MTMR6: variants seen among roughly 807,000 people sequenced by gnomAD.
MTMR6 encodes the protein phosphatidylinositol-3,5-bisphosphate 3-phosphatase MTMR6.
A neutral mutation model predicts 80.1 loss-of-function variants in MTMR6; 47 were observed. The observed-to-expected ratio is 0.59, with a 90% CI of 0.46 to 0.75. The LOEUF (loss-of-function observed/expected upper bound fraction) is 0.75, where lower values mean the gene tolerates loss of function less well. Among genes scored for constraint, MTMR6 ranks in the 30% least tolerant of loss-of-function variants. MTMR6 has a pLI of 0.00. For synonymous variants in MTMR6, 254 were observed against 253.0 expected (o/e 1.00, Z -0.04); for missense variants, 629 against 730.9 (o/e 0.86, Z 1.61).
chr13:25,253,964 C>T lies in MTMR6; in HGVS notation c.1146G>A (p.Arg382=). 6.2e-7 allele frequency: 1 copy of T among 1,614,038 alleles called. No homozygotes were observed. Among genetic ancestry groups the T allele is most frequent in the Non-Finnish European group, 8.5e-7 (1 of 1,179,952 alleles). Residue 382 remains arginine (R), a splice_region_variant and synonymous_variant, in exon 11 of 14, where the codon AGG becomes AGA. Transcript: ENST00000381801. Reference sequence around the variant, plus strand: ...TTGGGTCACCATCCAACTGGCCACACCTAACCCCACAGAAAGTATAAGCTT... The same window carrying T: ...TTGGGTCACCATCCAACTGGCCACATCTAACCCCACAGAAAGTATAAGCTT... ...WISFGHKFSE[R]CGQLDGDPKE...
intron 1 of MTMR6, among the ~76,000 whole-genome samples, chr13:25,274,941 C>CAG (rs113746536): frequency 0.05 from 6,473 of 130,318 alleles, 386 homozygotes; most frequent in African/African-American, 0.14. Flanking sequence ...AGTAGACAGA[C>CAG]ACACACACAC....
intron 1 of MTMR6, among the ~76,000 whole-genome samples, chr13:25,284,953 G>C (rs1260497778): frequency 2.0e-5 from 3 of 152,170 alleles, no homozygotes; most frequent in Non-Finnish European, 2.9e-5. Context: ...CTCCAGAGTA[G>C]TGATCCAATA....
chr13:25,257,202 T>A lies in MTMR6; in HGVS notation c.1089A>T (p.Gly363=). The change falls in exon 9 of 14, where the codon GGA becomes GGT. Residue 363 remains glycine (G), a synonymous_variant. Transcript: ENST00000381801. The part of the protein sequence containing the change: ...LLDSYYRTIK[G]FMVLIEKDWI... Reference sequence around the variant, plus strand: ...TAACCAAATAAATCCTTACCATGAATCCTTTGATTGTCCTGTAGTAGGAAT... The same window carrying A: ...TAACCAAATAAATCCTTACCATGAAACCTTTGATTGTCCTGTAGTAGGAAT... 1 of 1,613,166 alleles carries A rather than the reference T, an allele frequency of 6.2e-7. No homozygotes were observed. Among genetic ancestry groups the A allele is most frequent in the African/African-American group, 1.3e-5 (1 of 74,958 alleles).
chr13:25,264,113 A>G (rs1251240815), intron 5 of MTMR6, among the ~76,000 whole-genome samples: 2 of 152,226 alleles, frequency 1.3e-5, no homozygotes, highest in African/African-American at 4.8e-5. Context: ...TAACATCCTC[A>G]AAGAACTAAA....
intron 1 of MTMR6, among the ~76,000 whole-genome samples, chr13:25,278,057 CT>C (rs1957763788): frequency 6.6e-6 from 1 of 152,220 alleles, no homozygotes. Context: ...CTCACCCCAA[CT>C]TCACTCAGTT....
rs769719876 is a variant in MTMR6 at position 25,264,753 on chromosome 13, C to CAAA, written c.591+1063_591+1065dup. ...CTGGGCAACAAGAGAAACTCCATCT[C>CAAA]AAAAAAAAAAAAAAAAAAAAAAGAA... On this transcript the variant is annotated intron_variant, in intron 5 of 13. Transcript: ENST00000381801. 7.0e-3 allele frequency among the ~76,000 whole-genome samples: 234 copies of CAAA among 33,304 alleles called. 4 individuals carry two copies. The highest frequency in any genetic ancestry group is 0.019 in the African/African-American group (205 of 11,054). The allele number at this position is 33,304 out of a possible 152,430, so 21.8% of individuals were successfully genotyped here. A position where few individuals can be genotyped will look rare whatever the true frequency, so the allele number is the denominator to read the frequency against.
At chr13:25,286,835 C>T (rs772644264) in intron 1 of MTMR6, among the ~76,000 whole-genome samples, 5 of 152,190 alleles carry the variant, frequency 3.3e-5, no homozygotes, top group South Asian at 2.1e-4. Flanking sequence ...CAAGCTTACA[C>T]AGCATCATAA....
At chr13:25,267,179 G>T (rs190777045) in intron 3 of MTMR6, among the ~76,000 whole-genome samples, 2 of 151,312 alleles carry the variant, frequency 1.3e-5, no homozygotes, top group African/African-American at 4.9e-5. Flanking sequence ...CCTGGGAGGC[G>T]GAGGTTGCAG....
At chr13:25,254,319 C>T (rs1957147715) in intron 10 of MTMR6, 66 bp downstream of exon 10, 2 of 1,146,370 alleles carry the variant, frequency 1.7e-6, no homozygotes, top group South Asian at 2.5e-5. Context: ...GGAACAGAAA[C>T]ATTTTGGCAT....
intron 5 of MTMR6, among the ~76,000 whole-genome samples, chr13:25,264,487 G>A (rs116252305): frequency 0.014 from 2,073 of 152,072 alleles, 63 homozygotes; most frequent in African/African-American, 0.046. Flanking sequence ...GGGCGCAGTG[G>A]CTCACACCTG....
At position 25,253,816 on chromosome 13, in the gene MTMR6, A is replaced by G; in HGVS notation, c.1294T>C (p.Cys432Arg). 1 of 1,614,154 alleles carries G rather than the reference A, an allele frequency of 6.2e-7. No homozygotes were observed. Among genetic ancestry groups the G allele is most frequent in the Non-Finnish European group, 8.5e-7 (1 of 1,180,006 alleles). ...LLQIHEHIHS[C>R]QFGNFLGNCQ... ...TTTCCAAGGAAGTTTCCAAACTGGC[A>G]TGAATGAATATGCTCATGGATCTGA... The change falls in exon 11 of 14, where the codon TGC becomes CGC. Residue 432 changes from cysteine to arginine, a missense_variant. Transcript: ENST00000381801.
intron 5 of MTMR6, 58 bp downstream of exon 5, chr13:25,265,761 A>T: frequency 6.5e-7 from 1 of 1,537,360 alleles, no homozygotes; most frequent in Non-Finnish European, 8.8e-7. Context: ...TATTTTAGAT[A>T]CTTAAACCTG....
intron 9 of MTMR6, among the ~76,000 whole-genome samples, chr13:25,255,682 C>A (rs1310057204): frequency 1.3e-5 from 2 of 152,156 alleles, no homozygotes; most frequent in African/African-American, 4.8e-5. Context: ...CATCACCATG[C>A]CCGGCTAATT....
At chr13:25,261,609 T>A in intron 6 of MTMR6, 59 bp downstream of exon 6, 1 of 1,381,416 alleles carries the variant, frequency 7.2e-7, no homozygotes, top group Non-Finnish European at 9.6e-7. Flanking sequence ...TTAACTCTCA[T>A]TAAGTAAAGT....
chr13:25,261,129 G>A (rs1229623442), intron 6 of MTMR6, among the ~76,000 whole-genome samples: 1 of 151,470 alleles, frequency 6.6e-6, no homozygotes, highest in Admixed American at 6.6e-5. Context: ...TCAACATGGT[G>A]AAACCCCATC....
At chr13:25,269,879 T>C (rs1236760073) in intron 2 of MTMR6, among the ~76,000 whole-genome samples, 1 of 152,096 alleles carries the variant, frequency 6.6e-6, no homozygotes, top group Non-Finnish European at 1.5e-5. Context: ...TCACTTATAT[T>C]AATGCGCCTG....
rs79053319 is a variant in MTMR6 at position 25,253,869 on chromosome 13, G to C, written c.1241C>G (p.Ala414Gly). The change falls in exon 11 of 14, where the codon GCC becomes GGC. Residue 414 changes from alanine to glycine, a missense_variant. Transcript: ENST00000381801. ...VWHLTEQFPQ[A>G]FEFSEAFLLQ... Reference sequence around the variant, plus strand: ...AAGAAATGCTTCACTGAATTCAAAGGCTTGTGGAAACTGTTCGGTCAAATG... The same window carrying C: ...AAGAAATGCTTCACTGAATTCAAAGCCTTGTGGAAACTGTTCGGTCAAATG... The C allele has an allele frequency of 2.2e-5, 35 of 1,613,950 alleles. No homozygotes were observed. Among genetic ancestry groups the C allele is most frequent in the African/African-American group, 4.0e-5 (3 of 74,896 alleles).
intron 1 of MTMR6, among the ~76,000 whole-genome samples, chr13:25,275,000 ACACACAC>A (rs1957686340): frequency 6.9e-6 from 1 of 145,928 alleles, no homozygotes; most frequent in Non-Finnish European, 1.5e-5. Flanking sequence ...ACACACACAC[ACACACAC>A]TATGTTGCTG....
chr13:25,273,689 C>G (rs1477167181), intron 2 of MTMR6, among the ~76,000 whole-genome samples: 1 of 152,038 alleles, frequency 6.6e-6, no homozygotes, highest in Non-Finnish European at 1.5e-5. Flanking sequence ...CCATGCCCAG[C>G]TAATTTTTTG....
Sources: gnomAD v4.1 joint callset for allele counts (sites outside exome capture counted in the v4.1 genomes callset) on GRCh38, gnomAD v4.1.1 for gene constraint, MANE v1.5 for transcripts, NCBI Gene and HGNC (gene_info 2026-07-23, HGNC 2026-07-21) for gene names.